CDH12: variants seen among roughly 807,000 people sequenced by gnomAD.
The protein encoded by CDH12 is cadherin 12.
CDH12 carries 41 observed loss-of-function variants against 74.1 expected under a neutral mutation model. That is an observed-to-expected ratio of 0.55 (90% confidence interval 0.43 to 0.72). CDH12 has a LOEUF of 0.72. Ranked by LOEUF, CDH12 falls within the 30% of genes least tolerant of loss-of-function variation. The pLI is 0.00. For missense variants in CDH12, 945 were observed against 977.2 expected (o/e 0.97, Z 0.44); for synonymous variants, 399 against 355.0 (o/e 1.12, Z -1.39).
intron 3 of CDH12, among the ~76,000 whole-genome samples, chr5:22,389,196 G>T (rs539318418): frequency 6.6e-6 from 1 of 152,282 alleles, no homozygotes; most frequent in South Asian, 2.1e-4. Context: ...TACATAAAAT[G>T]AAAAGTGATG....
At chr5:22,665,157 T>A (rs1157331261) in intron 1 of CDH12, among the ~76,000 whole-genome samples, 3 of 152,148 alleles carry the variant, frequency 2.0e-5, no homozygotes, top group Non-Finnish European at 2.9e-5. Context: ...TCAGTGAAAC[T>A]ATGGACAATA....
At chr5:22,829,390 A>C (rs1736475270) in intron 1 of CDH12, among the ~76,000 whole-genome samples, 1 of 152,216 alleles carries the variant, frequency 6.6e-6, no homozygotes, top group African/African-American at 2.4e-5. Flanking sequence ...TTTATAGATA[A>C]GAAATCTGAG....
At chr5:22,220,266 A>C (rs1379007481) in intron 3 of CDH12, among the ~76,000 whole-genome samples, 2 of 151,764 alleles carry the variant, frequency 1.3e-5, no homozygotes, top group Non-Finnish European at 3.0e-5. Context: ...GTGATTCTAC[A>C]GATGTTATTG....
At chr5:22,395,148 A>G (rs1742403465) in intron 3 of CDH12, among the ~76,000 whole-genome samples, 1 of 152,210 alleles carries the variant, frequency 6.6e-6, no homozygotes, top group African/African-American at 2.4e-5. Flanking sequence ...AGCAGGATCT[A>G]AATCCAATAG....
chr5:22,614,037 T>A lies in CDH12; in HGVS notation c.-522-108673A>T, dbSNP rs111494545. ...TCACATATTTTGCTATGCACATATA[T>A]CTCATTTTTTAAAGTACAAAATTTA... On this transcript the variant is annotated intron_variant, in intron 1 of 14. Transcript: ENST00000382254. 5.6e-3 allele frequency among the ~76,000 whole-genome samples: 854 copies of A among 152,244 alleles called. 9 individuals carry two copies. Among genetic ancestry groups the A allele is most frequent in the African/African-American group, 0.02 (822 of 41,558 alleles).
chr5:22,562,870 T>G (rs1282353844), intron 1 of CDH12, among the ~76,000 whole-genome samples: 1 of 148,590 alleles, frequency 6.7e-6, no homozygotes, highest in Non-Finnish European at 1.5e-5. Context: ...CTATATATTT[T>G]TATAAATTTA....
chr5:22,028,421 T>C (rs1482200982), intron 5 of CDH12, among the ~76,000 whole-genome samples: 1 of 152,088 alleles, frequency 6.6e-6, no homozygotes, highest in Non-Finnish European at 1.5e-5. Flanking sequence ...AGTCTCAGGA[T>C]ACAAAATCAA....
At chr5:21,832,901 A>G (rs140601334) in intron 8 of CDH12, among the ~76,000 whole-genome samples, 9 of 81,544 alleles carry the variant, frequency 1.1e-4, no homozygotes, top group East Asian at 3.2e-4. Context: ...TATATCATAT[A>G]ATATATGATA....
intron 3 of CDH12, among the ~76,000 whole-genome samples, chr5:22,285,858 C>T (rs1737111070): frequency 6.6e-6 from 1 of 152,016 alleles, no homozygotes; most frequent in Non-Finnish European, 1.5e-5. Flanking sequence ...GGCATTCTTA[C>T]TTCTGAGGAT....
intron 1 of CDH12, among the ~76,000 whole-genome samples, chr5:22,562,064 T>A (rs965819812): frequency 3.9e-5 from 6 of 152,188 alleles, no homozygotes; most frequent in African/African-American, 1.2e-4. Context: ...ACGCCTGTAA[T>A]CCCAGCACTT....
At chr5:22,461,233 G>A (rs545631435) in intron 2 of CDH12, among the ~76,000 whole-genome samples, 4 of 151,568 alleles carry the variant, frequency 2.6e-5, no homozygotes, top group African/African-American at 9.7e-5. Flanking sequence ...TCACCATGCT[G>A]GCCAGGGTGG....
At chr5:22,681,440 T>C (rs1741488852) in intron 1 of CDH12, among the ~76,000 whole-genome samples, 1 of 151,968 alleles carries the variant, frequency 6.6e-6, no homozygotes, top group African/African-American at 2.4e-5. Flanking sequence ...GAGTAGTATA[T>C]TGTCAGGTAA....
intron 1 of CDH12, among the ~76,000 whole-genome samples, chr5:22,756,655 C>G (rs962527385): frequency 6.6e-6 from 1 of 152,108 alleles, no homozygotes; most frequent in Non-Finnish European, 1.5e-5. Flanking sequence ...CTAAGTCTTT[C>G]AACTTTACAA....
At chr5:22,613,492 G>C (rs1217146934) in intron 1 of CDH12, among the ~76,000 whole-genome samples, 1 of 152,002 alleles carries the variant, frequency 6.6e-6, no homozygotes, top group East Asian at 1.9e-4. Flanking sequence ...TGACAAAGTT[G>C]TGATGATTTA....
At chr5:21,825,729 A>G (rs1200738978) in intron 8 of CDH12, among the ~76,000 whole-genome samples, 1 of 152,200 alleles carries the variant, frequency 6.6e-6, no homozygotes, top group African/African-American at 2.4e-5. Context: ...GCAATGTCTT[A>G]GCAGTGTTCA....
At chr5:21,871,451 C>T (rs942010029) in intron 6 of CDH12, among the ~76,000 whole-genome samples, 3 of 152,030 alleles carry the variant, frequency 2.0e-5, no homozygotes, top group African/African-American at 7.2e-5. Flanking sequence ...AAAACAAATA[C>T]CGCTGGGCGC....
At chr5:22,723,138 T>C (rs920346120) in intron 1 of CDH12, among the ~76,000 whole-genome samples, 13 of 152,298 alleles carry the variant, frequency 8.5e-5, no homozygotes, top group African/African-American at 3.1e-4. Context: ...AAGGCTTTCA[T>C]TTTATAGTCC....
At chr5:22,214,953 C>T (rs910399883) in intron 3 of CDH12, among the ~76,000 whole-genome samples, 2 of 152,124 alleles carry the variant, frequency 1.3e-5, no homozygotes, top group Non-Finnish European at 2.9e-5. Flanking sequence ...TGAAAGTACA[C>T]ACATGAAGAA....
chr5:22,537,268 AT>A (rs2126713728), intron 1 of CDH12, among the ~76,000 whole-genome samples: 1 of 152,316 alleles, frequency 6.6e-6, no homozygotes, highest in East Asian at 1.9e-4. Flanking sequence ...CAAGGTACCC[AT>A]TGGCAATACC....
Sources: allele counts gnomAD v4.1 joint callset (sites outside exome capture counted in the v4.1 genomes callset), GRCh38; gene constraint gnomAD v4.1.1; transcripts MANE v1.5; gene names NCBI Gene and HGNC (gene_info 2026-07-23, HGNC 2026-07-21).